The following RAPGEF5 variants were observed in gnomAD, a reference collection of about 807,000 sequenced individuals.
The protein encoded by RAPGEF5 is M-Ras-regulated GEF.
Under a neutral mutation model 125.2 loss-of-function variants are expected in RAPGEF5, and 65 were observed. The ratio of observed to expected loss-of-function variants is 0.52; its 90% CI spans 0.43 to 0.64. The LOEUF is 0.64. Ranked by LOEUF, RAPGEF5 falls within the 30% of genes least tolerant of loss-of-function variation. The pLI, the probability that RAPGEF5 is intolerant of heterozygous loss-of-function variation, is 0.00. For missense variants in RAPGEF5, 958 were observed against 1,048.1 expected, an observed-to-expected ratio of 0.91 and a Z score of 1.19; for synonymous variants, 391 against 385.9, an observed-to-expected ratio of 1.01 and a Z score of -0.16.
intron 21 of RAPGEF5, among the ~76,000 whole-genome samples, chr7:22,138,498 C>CCAG (rs1554316142): frequency 9.9e-5 from 15 of 152,076 alleles, no homozygotes; most frequent in Non-Finnish European, 1.9e-4. Flanking sequence ...TTCATCCAGT[C>CCAG]ACCAGACCTG....
intron 21 of RAPGEF5, among the ~76,000 whole-genome samples, chr7:22,138,222 T>C (rs1239403563): frequency 6.6e-6 from 1 of 152,070 alleles, no homozygotes; most frequent in Non-Finnish European, 1.5e-5. Context: ...AGTGATCTAC[T>C]CCAGAGATCA....
chr7:22,286,211 C>G (rs574488665), intron 6 of RAPGEF5, among the ~76,000 whole-genome samples: 1 of 152,310 alleles, frequency 6.6e-6, no homozygotes, highest in East Asian at 1.9e-4. Context: ...GACACTCAGA[C>G]TCTCTTCTCT....
chr7:22,145,168 T>A lies in RAPGEF5; in HGVS notation c.2062A>T (p.Asn688Tyr), dbSNP rs1479881155. Residue 688 changes from asparagine to tyrosine, a missense_variant, in exon 20 of 26, where the codon AAT becomes TAT. Transcript: ENST00000665637. ...CATCTCTGGAGCAGAAGGCTGAGAT[T>A]TGCAGTGTGTTCCCCACTTCCCTGT... The part of the protein sequence containing the change: ...SRQGSGEHTA[N>Y]LSLLLQRCNE... The A allele has an allele frequency of 3.1e-6, 5 of 1,613,564 alleles. No homozygotes were observed. The highest frequency in any genetic ancestry group is 1.1e-5 in the South Asian group (1 of 90,926).
At chr7:22,157,719 C>G (rs1783853013) in intron 15 of RAPGEF5, 136 bp downstream of exon 15, 1 of 910,410 alleles carries the variant, frequency 1.1e-6, no homozygotes, top group Non-Finnish European at 1.7e-6. Flanking sequence ...CGCAGGGAAG[C>G]TGCAGCCCCA....
chr7:22,218,478 C>T (rs548225668), intron 9 of RAPGEF5, among the ~76,000 whole-genome samples: 5 of 152,118 alleles, frequency 3.3e-5, no homozygotes, highest in Non-Finnish European at 7.4e-5. Context: ...AAGAAAAATG[C>T]TCACAATTAA....
intron 11 of RAPGEF5, among the ~76,000 whole-genome samples, chr7:22,181,965 A>G (rs1229897996): frequency 1.3e-5 from 2 of 152,198 alleles, no homozygotes; most frequent in East Asian, 3.8e-4. Flanking sequence ...GAGCAATTCT[A>G]TGACATTACA....
chr7:22,127,111 T>C (rs960433043), intron 24 of RAPGEF5, among the ~76,000 whole-genome samples: 1 of 148,860 alleles, frequency 6.7e-6, no homozygotes. Flanking sequence ...TGATCTCGGC[T>C]CACTGCACCC....
intron 1 of RAPGEF5, among the ~76,000 whole-genome samples, chr7:22,354,420 C>T (rs1211880159): frequency 1.3e-5 from 2 of 152,170 alleles, no homozygotes; most frequent in Admixed American, 1.3e-4. Flanking sequence ...GATTTGTTTG[C>T]ATTAGCATCA....
Position 22,130,925 on chromosome 7 carries a change from C to T in RAPGEF5, c.2481+112G>A, listed in dbSNP as rs565319353. Reference sequence around the variant, plus strand: ...ATGAAGCAAATAAGCTCCTTGAATTCGCCATGCATCCAATGGAGAAAAGTA... The same window carrying T: ...ATGAAGCAAATAAGCTCCTTGAATTTGCCATGCATCCAATGGAGAAAAGTA... On this transcript the variant is annotated intron_variant, in intron 24 of 25. Transcript: ENST00000665637. 1.7e-4 allele frequency: 244 copies of T among 1,401,288 alleles called. 1 individual carries two copies. In the Middle Eastern group the frequency reaches 1.9e-3, roughly 11 times the overall value. The allele number at this position is 1,401,288 out of a possible 1,614,324, so 86.8% of individuals were successfully genotyped here.
At chr7:22,189,931 G>C (rs1784939418) in intron 11 of RAPGEF5, among the ~76,000 whole-genome samples, 1 of 152,178 alleles carries the variant, frequency 6.6e-6, no homozygotes, top group Admixed American at 6.5e-5. Flanking sequence ...CCAAATGCCT[G>C]GTTGGTTTGC....
At chr7:22,136,455 C>T (rs1424007727) in intron 22 of RAPGEF5, among the ~76,000 whole-genome samples, 2 of 151,970 alleles carry the variant, frequency 1.3e-5, no homozygotes, top group Non-Finnish European at 2.9e-5. Flanking sequence ...AACCCAAAGT[C>T]TCTTGTTAGA....
At position 22,167,141 on chromosome 7, in the gene RAPGEF5, G is replaced by A; in HGVS notation, c.1212C>T (p.Leu404=). 6.2e-7 allele frequency: 1 copy of A among 1,611,818 alleles called. No individual in the cohort carries two copies. The highest frequency in any genetic ancestry group is 8.5e-7 in the Non-Finnish European group (1 of 1,178,694). ...TGTACGTGAGAAGGAAGTCATCCAGGAGGGTCTCTGCAAAGAAAAAAAAAA... is the reference window on the plus strand; with the variant it reads ...TGTACGTGAGAAGGAAGTCATCCAGAAGGGTCTCTGCAAAGAAAAAAAAAA... ...EEVQDKETET[L]LDDFLLTYTV... The change falls in exon 12 of 26, where the codon CTC becomes CTT. Residue 404 remains leucine (L), a synonymous_variant. Coordinates refer to ENST00000665637, the MANE Select transcript of RAPGEF5 (RefSeq NM_012294.5).
At chr7:22,174,923 T>G (rs1440225618) in intron 11 of RAPGEF5, among the ~76,000 whole-genome samples, 1 of 152,162 alleles carries the variant, frequency 6.6e-6, no homozygotes, top group East Asian at 1.9e-4. Context: ...CAAAGAGGGT[T>G]ACAGTTATGA....
intron 1 of RAPGEF5, among the ~76,000 whole-genome samples, chr7:22,355,128 G>T (rs550837904): frequency 1.3e-5 from 2 of 152,252 alleles, no homozygotes; most frequent in East Asian, 3.9e-4. Flanking sequence ...ATGCAGTTAC[G>T]AAATGTGTTT....
intron 17 of RAPGEF5, 55 bp from the exon 18 acceptor site, chr7:22,150,559 G>A (rs570813033): frequency 1.2e-5 from 19 of 1,548,326 alleles, no homozygotes; most frequent in South Asian, 5.9e-5. Context: ...AAGAGTAGCA[G>A]CAGTAGGCCT....
intron 1 of RAPGEF5, among the ~76,000 whole-genome samples, chr7:22,336,243 C>T (rs980059688): frequency 3.9e-5 from 6 of 152,222 alleles, no homozygotes; most frequent in African/African-American, 1.4e-4. Context: ...TGCCACCTTA[C>T]ATCTGTTACA....
chr7:22,317,888 T>G (rs892142331), intron 2 of RAPGEF5, 99 bp downstream of exon 2: 3 of 1,479,992 alleles, frequency 2.0e-6, no homozygotes, highest in Non-Finnish European at 2.7e-6. Flanking sequence ...AAACTCTATG[T>G]GGTCAGGAGC....
At chr7:22,347,844 T>C (rs569384639) in intron 1 of RAPGEF5, among the ~76,000 whole-genome samples, 63 of 152,308 alleles carry the variant, frequency 4.1e-4, no homozygotes, top group South Asian at 2.7e-3. Context: ...AATGTTATAT[T>C]AGGATTTGTT....
intron 6 of RAPGEF5, among the ~76,000 whole-genome samples, chr7:22,276,243 T>C (rs1039893652): frequency 2.0e-5 from 3 of 152,338 alleles, no homozygotes; most frequent in Non-Finnish European, 2.9e-5. Context: ...CAGCGTATTA[T>C]TCAATCTACA....
Sources: allele counts gnomAD v4.1 joint callset (sites outside exome capture counted in the v4.1 genomes callset), GRCh38; gene constraint gnomAD v4.1.1; transcripts MANE v1.5; gene names NCBI Gene and HGNC (gene_info 2026-07-23, HGNC 2026-07-21).